Variants in KMT2E observed in about 807,000 individuals in gnomAD.
KMT2E encodes the protein histone reader KMT2E.
KMT2E carries 30 observed loss-of-function variants against 184.6 expected under a neutral mutation model. The observed-to-expected ratio is 0.16, with a 90% CI of 0.12 to 0.22. The LOEUF is 0.22. Among genes scored for constraint, KMT2E ranks in the 10% least tolerant of loss-of-function variants. KMT2E has a pLI of 1.00. For missense variants in KMT2E, 2,023 were observed against 2,237.4 expected (o/e 0.90, Z 1.93); for synonymous variants, 815 against 776.5 (o/e 1.05, Z -0.82).
At position 105,067,698 on chromosome 7, in the gene KMT2E, A is replaced by G. The variant is rs187604784; in HGVS notation, c.497+891A>G. On this transcript the variant is annotated intron_variant, in intron 6 of 26. Coordinates refer to ENST00000311117, the MANE Select transcript of KMT2E (RefSeq NM_182931.3). ...AAAATAATTACAAACCGTCTGGGCA[A>G]GGTGGCTCAGGCCTGTAATCCCAGC... is the stretch of plus-strand genomic sequence containing the variant. Among the ~76,000 whole-genome samples the G allele has an allele frequency of 2.5e-3, 384 of 152,290 alleles. 1 individual carries two copies. Among genetic ancestry groups the G allele is most frequent in the African/African-American group, 8.9e-3 (368 of 41,574 alleles).
chr7:105,052,073 T>A (rs1796374373), intron 3 of KMT2E, among the ~76,000 whole-genome samples: 1 of 152,166 alleles, frequency 6.6e-6, no homozygotes, highest in Non-Finnish European at 1.5e-5. Flanking sequence ...CATACAATTC[T>A]CCCACTTAAA....
chr7:105,027,093 T>G (rs958441536), intron 1 of KMT2E, among the ~76,000 whole-genome samples: 1 of 147,200 alleles, frequency 6.8e-6, no homozygotes, highest in East Asian at 2.0e-4. Context: ...TTTTTTTTTT[T>G]TTTTTGGAGA....
intron 3 of KMT2E, among the ~76,000 whole-genome samples, chr7:105,047,111 A>G (rs1328748573): frequency 6.6e-6 from 1 of 152,256 alleles, no homozygotes; most frequent in Non-Finnish European, 1.5e-5. Context: ...TTCTTCAGCA[A>G]TGAATTGTGA....
intron 6 of KMT2E, among the ~76,000 whole-genome samples, chr7:105,068,639 G>T (rs78165639): frequency 0.23 from 24,819 of 110,142 alleles, 3,552 homozygotes; most frequent in East Asian, 0.58. Context: ...TTTTTTTTTT[G>T]TTTTTTTTTT....
intron 1 of KMT2E, among the ~76,000 whole-genome samples, chr7:105,023,226 C>A (rs1019409699): frequency 6.6e-6 from 1 of 151,060 alleles, no homozygotes; most frequent in Non-Finnish European, 1.5e-5. Context: ...AAATCCATTA[C>A]CCCGTCTCTA....
chr7:105,079,016 A>C, intron 12 of KMT2E, 53 bp downstream of exon 12: 1 of 944,418 alleles, frequency 1.1e-6, no homozygotes, highest in Middle Eastern at 2.1e-4. Flanking sequence ...GTGTGTTGGA[A>C]TCTGAGCAAT....
chr7:105,112,870 C>CACA lies in KMT2E; in HGVS notation c.5118_5120dup (p.Gln1706dup). 6.5e-7 allele frequency: 1 copy of CACA among 1,533,374 alleles called. No individual in the cohort carries two copies. Among genetic ancestry groups the CACA allele is most frequent in the Non-Finnish European group, 8.8e-7 (1 of 1,131,638 alleles). 95.0% of individuals were successfully genotyped at this position (1,533,374 alleles called of 1,614,324 possible). A position where few individuals can be genotyped will look rare whatever the true frequency, so the allele number is the denominator to read the frequency against. ...TCCACAGGACTCCAAGGTCTACAAGCACAACACCAGCATGTTGTAAATTCA... is the reference window on the plus strand; with the variant it reads ...TCCACAGGACTCCAAGGTCTACAAGCACAACAACACCAGCATGTTGTAAATTCA... On this transcript the variant is annotated inframe_insertion, in exon 27 of 27. Transcript: ENST00000311117.
At chr7:105,078,821 G>A (rs1425009172) in intron 11 of KMT2E, 25 bp from the exon 12 acceptor site, 1 of 1,343,718 alleles carries the variant, frequency 7.4e-7, no homozygotes, top group East Asian at 2.3e-5. Flanking sequence ...AATGTTAATA[G>A]CTTATAATGT....
chr7:105,066,439 C>T (rs1417521753), intron 5 of KMT2E, among the ~76,000 whole-genome samples: 3 of 151,850 alleles, frequency 2.0e-5, no homozygotes, highest in Non-Finnish European at 4.4e-5. Context: ...ATAGTGTGGC[C>T]GTCTCTACAT....
chr7:105,047,094 A>C (rs1796139179), intron 3 of KMT2E, among the ~76,000 whole-genome samples: 1 of 152,254 alleles, frequency 6.6e-6, no homozygotes, highest in Non-Finnish European at 1.5e-5. Context: ...CATAGGATGC[A>C]CTTAATTTCT....
chr7:105,098,696 G>A (rs867410102), intron 15 of KMT2E, among the ~76,000 whole-genome samples: 2 of 151,988 alleles, frequency 1.3e-5, no homozygotes, highest in South Asian at 2.1e-4. Flanking sequence ...AAACCACTGC[G>A]CCCAGCCTAA....
At chr7:105,096,252 A>AT (rs1360313703) in intron 15 of KMT2E, among the ~76,000 whole-genome samples, 1 of 149,336 alleles carries the variant, frequency 6.7e-6, no homozygotes, top group Non-Finnish European at 1.5e-5. Flanking sequence ...AGGCTCAAAA[A>AT]AAAAAAAAAA....
chr7:105,103,139 G>GA (rs1396222448), intron 17 of KMT2E: 1 of 152,066 alleles, frequency 6.6e-6, no homozygotes, highest in Admixed American at 6.6e-5. Context: ...AAAGTGAAAA[G>GA]AAAAAACCTC....
chr7:105,066,874 C>T (rs894806599), intron 6 of KMT2E, 67 bp downstream of exon 6: 34 of 1,140,666 alleles, frequency 3.0e-5, no homozygotes, highest in Non-Finnish European at 3.8e-5. Context: ...AACAGAAATT[C>T]CTTTATGAAT....
intron 3 of KMT2E, among the ~76,000 whole-genome samples, chr7:105,042,815 C>T (rs763958346): frequency 5.9e-5 from 9 of 152,260 alleles, no homozygotes; most frequent in East Asian, 5.8e-4. Context: ...AGATTTTGAT[C>T]GCAAATCTGA....
At chr7:105,039,998 T>TTA (rs144599179) in intron 2 of KMT2E, among the ~76,000 whole-genome samples, 2 of 151,552 alleles carry the variant, frequency 1.3e-5, no homozygotes, top group Non-Finnish European at 2.9e-5. Context: ...TAAATTTGTT[T>TTA]AAAAAAAAAC....
Position 105,113,332 on chromosome 7 carries a change from A to G in KMT2E, c.5576A>G (p.Ter1859=). 6.3e-7 allele frequency: 1 copy of G among 1,598,626 alleles called. No individual in the cohort carries two copies. The highest frequency in any genetic ancestry group is 8.6e-7 in the Non-Finnish European group (1 of 1,168,848). ...QNNYHGSGWH[*] is the part of the protein sequence containing the mutation. ...AATTACCATGGGTCAGGGTGGCATT[A>G]AAATGGACTCCAAAAACATTTTTTT... The change falls in exon 27 of 27, where the codon TAA becomes TGA. Residue 1859 remains the stop codon, a stop_retained_variant. Transcript: ENST00000311117.
chr7:105,096,178 C>G (rs1798402317), intron 15 of KMT2E, among the ~76,000 whole-genome samples: 2 of 149,228 alleles, frequency 1.3e-5, no homozygotes, highest in Non-Finnish European at 3.0e-5. Context: ...CCACTTGAAC[C>G]CAGAAGAGGA....
At chr7:105,096,963 G>C (rs1334927824) in intron 15 of KMT2E, among the ~76,000 whole-genome samples, 2 of 152,176 alleles carry the variant, frequency 1.3e-5, no homozygotes, top group African/African-American at 4.8e-5. Context: ...CAGATTACCA[G>C]TGTACATGTG....
Sources: allele counts gnomAD v4.1 joint callset (sites outside exome capture counted in the v4.1 genomes callset), GRCh38; gene constraint gnomAD v4.1.1; transcripts MANE v1.5; gene names NCBI Gene and HGNC (gene_info 2026-07-23, HGNC 2026-07-21).